The following LIMS4 variants were observed in gnomAD, a reference collection of about 807,000 sequenced individuals.
The protein encoded by LIMS4 is LIM and senescent cell antigen-like-containing domain protein 4.
the LIMS4 span, among the ~76,000 whole-genome samples, chr2:110,390,370 GC>G: frequency 7.7e-6 from 1 of 130,666 alleles, no homozygotes; most frequent in African/African-American, 3.4e-5. Flanking sequence ...TGGTGAGGAG[GC>G]CTTGGAAGTG....
downstream of LIMS4, among the ~76,000 whole-genome samples, chr2:110,442,638 CAT>C (rs1337705292): frequency 6.9e-6 from 1 of 145,668 alleles, no homozygotes; most frequent in African/African-American, 2.7e-5. Flanking sequence ...GTATCCCATT[CAT>C]ATATATACAT....
At chr2:110,362,141 G>C in the LIMS4 span, 4 of 717,054 alleles carry the variant, frequency 5.6e-6, no homozygotes, top group East Asian at 9.8e-5. Flanking sequence ...CAAGTCTTTT[G>C]TCCACTCATA....
At chr2:110,360,978 C>T in the LIMS4 span, 78 of 1,575,750 alleles carry the variant, frequency 5.0e-5, 1 homozygote, top group Non-Finnish European at 5.9e-5. Context: ...AAGCCACACA[C>T]GGCACACTTG....
chr2:110,361,386 A>G, the LIMS4 span: 1 of 739,042 alleles, frequency 1.4e-6, no homozygotes, highest in African/African-American at 1.8e-5. Context: ...TGGGATATGT[A>G]CACATCTCTC....
chr2:110,367,726 G>A, the LIMS4 span, among the ~76,000 whole-genome samples: 4 of 146,960 alleles, frequency 2.7e-5, no homozygotes, highest in South Asian at 2.1e-4. Context: ...AAAAAAATAC[G>A]AAGAATTAGC....
the LIMS4 span, among the ~76,000 whole-genome samples, chr2:110,382,114 T>A: frequency 5.5e-3 from 291 of 53,350 alleles, no homozygotes; most frequent in Non-Finnish European, 6.7e-3. Flanking sequence ...TATATATATA[T>A]ATATATATAT....
At chr2:110,377,453 AT>A in the LIMS4 span, among the ~76,000 whole-genome samples, 1 of 42,838 alleles carries the variant, frequency 2.3e-5, no homozygotes, top group Admixed American at 2.6e-4. Context: ...GACAATACTT[AT>A]TCCTCCAGGT....
chr2:110,381,937 C>T, the LIMS4 span, among the ~76,000 whole-genome samples: 1 of 40,528 alleles, frequency 2.5e-5, no homozygotes, highest in East Asian at 6.8e-4. Context: ...TGTGGTGGTG[C>T]ATGCCTGTAG....
chr2:110,368,861 A>T, the LIMS4 span, among the ~76,000 whole-genome samples: 369 of 143,436 alleles, frequency 2.6e-3, 1 homozygote, highest in African/African-American at 0.01. Context: ...CTTTGCTCAA[A>T]TAAACTCTGC....
At chr2:110,381,996 C>G in the LIMS4 span, among the ~76,000 whole-genome samples, 1 of 65,240 alleles carries the variant, frequency 1.5e-5, no homozygotes, top group African/African-American at 8.4e-5. Flanking sequence ...AAACCCGTGA[C>G]GCAGAGATTG....
At chr2:110,379,067 T>C in the LIMS4 span, among the ~76,000 whole-genome samples, 1 of 147,478 alleles carries the variant, frequency 6.8e-6, no homozygotes, top group Non-Finnish European at 1.5e-5. Context: ...GGCACCATGG[T>C]GGAAGTAACA....
the LIMS4 span, among the ~76,000 whole-genome samples, chr2:110,422,351 C>T: frequency 4.1e-5 from 1 of 24,280 alleles, no homozygotes; most frequent in Non-Finnish European, 5.7e-5. Context: ...TTTACCTGCT[C>T]TCTCGAGGGA....
At chr2:110,386,775 A>G in the LIMS4 span, 1 of 716,274 alleles carries the variant, frequency 1.4e-6, no homozygotes, top group Non-Finnish European at 2.5e-6. Flanking sequence ...AGGCTCGGCG[A>G]GCACAGCGGC....
the LIMS4 span, chr2:110,360,978 C>A: frequency 6.3e-7 from 1 of 1,575,850 alleles, no homozygotes; most frequent in South Asian, 1.1e-5. Context: ...AAGCCACACA[C>A]GGCACACTTG....
At chr2:110,365,662 A>G in the LIMS4 span, among the ~76,000 whole-genome samples, 1 of 131,522 alleles carries the variant, frequency 7.6e-6, no homozygotes, top group Non-Finnish European at 1.5e-5. Context: ...AACTAGAAGA[A>G]GACAAGAAAT....
At chr2:110,391,143 G>T in the LIMS4 span, among the ~76,000 whole-genome samples, 6 of 151,270 alleles carry the variant, frequency 4.0e-5, no homozygotes, top group Admixed American at 3.3e-4. Context: ...GGAGCTGGGG[G>T]GAGAGCAGGG....
the LIMS4 span, among the ~76,000 whole-genome samples, chr2:110,367,505 C>T: frequency 2.2e-5 from 3 of 139,018 alleles, no homozygotes; most frequent in East Asian, 2.0e-4. Flanking sequence ...ATAAATGATT[C>T]CAGGATAACT....
the LIMS4 span, among the ~76,000 whole-genome samples, chr2:110,396,143 C>T: frequency 3.6e-5 from 4 of 111,302 alleles, no homozygotes; most frequent in East Asian, 1.0e-3. Flanking sequence ...CCTTTTAACA[C>T]TGCGTCCGTT....
chr2:110,375,189 T>C, the LIMS4 span: 1 of 95,554 alleles, frequency 1.0e-5, no homozygotes, highest in Non-Finnish European at 2.1e-5. Flanking sequence ...TTCACATATA[T>C]ATATAAAAAA....
Sources: gnomAD v4.1 joint callset for allele counts (sites outside exome capture counted in the v4.1 genomes callset) on GRCh38, gnomAD v4.1.1 for gene constraint, MANE v1.5 for transcripts, NCBI Gene and HGNC (gene_info 2026-07-23, HGNC 2026-07-21) for gene names.